The following ENTPD1 variants were observed in gnomAD, a reference collection of about 807,000 sequenced individuals.
The protein encoded by ENTPD1 is ectonucleoside triphosphate diphosphohydrolase 1, also known as ATP diphosphohydrolase.
Under a neutral mutation model 57.0 loss-of-function variants are expected in ENTPD1, and 33 were observed. The ratio of observed to expected loss-of-function variants is 0.58; its 90% CI spans 0.44 to 0.77. The LOEUF (loss-of-function observed/expected upper bound fraction) is 0.77, where lower values mean the gene tolerates loss of function less well. ENTPD1 is among the 30% of genes least tolerant of loss of function. The pLI is 0.00. For missense variants in ENTPD1, 501 were observed against 603.4 expected (o/e 0.83, Z 1.78); for synonymous variants, 202 against 218.8 (o/e 0.92, Z 0.68).
At position 95,790,157 on chromosome 10, in the gene ENTPD1, A is replaced by C. The variant is rs1273446900; in HGVS notation, c.17-33080A>C. Reference sequence around the variant, plus strand: ...TTGATGTCTGCAGCGGTGGTTGCCCACCACTTCAGATAGATGATTCATCTC... The same window carrying C: ...TTGATGTCTGCAGCGGTGGTTGCCCCCCACTTCAGATAGATGATTCATCTC... On this transcript the variant is annotated intron_variant, in intron 1 of 9. Transcript: ENST00000371205. 2.6e-5 allele frequency among the ~76,000 whole-genome samples: 4 copies of C among 152,342 alleles called. No homozygotes were observed. In the East Asian group the frequency reaches 7.7e-4, roughly 29 times the overall value.
At chr10:95,701,539 A>G in the ENTPD1 span, among the ~76,000 whole-genome samples, 1 of 152,182 alleles carries the variant, frequency 6.6e-6, no homozygotes, top group Non-Finnish European at 1.5e-5. Flanking sequence ...AAATAATAAA[A>G]ATAGAGAAAA....
At chr10:95,730,961 G>A (rs1283871297) in intron 1 of ENTPD1, among the ~76,000 whole-genome samples, 1 of 152,220 alleles carries the variant, frequency 6.6e-6, no homozygotes, top group African/African-American at 2.4e-5. Context: ...CTAAGGACTT[G>A]CCTAAAGTAG....
At chr10:95,720,853 GC>G (rs1254928762) in intron 1 of ENTPD1, among the ~76,000 whole-genome samples, 1 of 152,174 alleles carries the variant, frequency 6.6e-6, no homozygotes, top group Non-Finnish European at 1.5e-5. Context: ...GATTTGCTCA[GC>G]CTTTCTGTGT....
At chr10:95,698,899 C>T in the ENTPD1 span, among the ~76,000 whole-genome samples, 15 of 152,280 alleles carry the variant, frequency 9.9e-5, no homozygotes, top group South Asian at 1.5e-3. Flanking sequence ...AAGCAGATCC[C>T]GCCTGTGCAT....
Position 95,823,274 on chromosome 10 carries a change from A to G in ENTPD1, c.54A>G (p.Leu18=), listed in dbSNP as rs767914674. ...AGACATTTTGCTCCAAGAATATCCTAGCCATCCTTGGCTTCTCCTCTATCA... is the reference window on the plus strand; with the variant it reads ...AGACATTTTGCTCCAAGAATATCCTGGCCATCCTTGGCTTCTCCTCTATCA... ...NVKTFCSKNI[L]AILGFSSIIA... Residue 18 remains leucine, a synonymous_variant, in exon 2 of 10, where the codon CTA becomes CTG. Coordinates refer to ENST00000371205, the MANE Select transcript of ENTPD1 (RefSeq NM_001776.6). 1.8e-5 allele frequency: 29 copies of G among 1,614,040 alleles called. No homozygotes were observed. The highest frequency in any genetic ancestry group is 2.5e-5 in the Non-Finnish European group (29 of 1,180,010).
chr10:95,767,106 A>G (rs190935062), intron 1 of ENTPD1, among the ~76,000 whole-genome samples: 1 of 152,050 alleles, frequency 6.6e-6, no homozygotes, highest in East Asian at 1.9e-4. Flanking sequence ...GAAATAAAAG[A>G]AAAGCATTCC....
At chr10:95,712,447 G>A (rs1372200182) in intron 1 of ENTPD1, among the ~76,000 whole-genome samples, 2 of 152,086 alleles carry the variant, frequency 1.3e-5, no homozygotes, top group Non-Finnish European at 2.9e-5. Context: ...ATTTTCTCTT[G>A]GTCCTTGCGA....
chr10:95,785,899 C>T (rs773447119), intron 1 of ENTPD1, among the ~76,000 whole-genome samples: 3 of 152,194 alleles, frequency 2.0e-5, no homozygotes, highest in Non-Finnish European at 4.4e-5. Context: ...ACAGTGCCTG[C>T]TACCCAGTAA....
In ENTPD1 at chr10:95,871,621, A is replaced by T. The variant is rs1180856737; in HGVS notation, c.*5238A>T. Reference sequence around the variant, plus strand: ...TGAGCCTTCTCTTTAGAAAAGTGGCATTCAAGACTCTTCATTTGAAGTGAA... The same window carrying T: ...TGAGCCTTCTCTTTAGAAAAGTGGCTTTCAAGACTCTTCATTTGAAGTGAA... On this transcript the variant is annotated 3_prime_UTR_variant, in exon 10 of 10. Transcript: ENST00000371205. 1 of 985,346 alleles carries T rather than the reference A, an allele frequency of 1.0e-6. No individual in the cohort carries two copies. The highest frequency in any genetic ancestry group is 1.2e-6 in the Non-Finnish European group (1 of 829,938). 61.0% of individuals were successfully genotyped at this position (985,346 alleles called of 1,614,324 possible).
At chr10:95,857,826 C>A (rs563059471) in intron 7 of ENTPD1, among the ~76,000 whole-genome samples, 49 of 152,238 alleles carry the variant, frequency 3.2e-4, no homozygotes, top group African/African-American at 1.2e-3. Flanking sequence ...GACATGAGAC[C>A]AGAAACACAA....
intron 1 of ENTPD1, among the ~76,000 whole-genome samples, chr10:95,749,846 T>C (rs971514660): frequency 4.6e-5 from 7 of 152,192 alleles, no homozygotes; most frequent in African/African-American, 1.7e-4. Context: ...AGTTCCATAA[T>C]CTTTTGTTTT....
chr10:95,768,970 A>T (rs183462794), intron 1 of ENTPD1, among the ~76,000 whole-genome samples: 2 of 152,256 alleles, frequency 1.3e-5, no homozygotes, highest in Admixed American at 6.5e-5. Context: ...GATGGAATGC[A>T]TAGTCTGCCC....
chr10:95,730,444 C>A (rs1589651362), intron 1 of ENTPD1, among the ~76,000 whole-genome samples: 2 of 152,076 alleles, frequency 1.3e-5, no homozygotes, highest in Non-Finnish European at 2.9e-5. Flanking sequence ...AAGAATCAAT[C>A]ATAATCTTGG....
chr10:95,749,044 C>A (rs1220693917), intron 1 of ENTPD1, among the ~76,000 whole-genome samples: 1 of 152,172 alleles, frequency 6.6e-6, no homozygotes, highest in East Asian at 1.9e-4. Context: ...AATGTTTATA[C>A]CCCCTTTTGT....
At chr10:95,850,128 C>T (rs116024139) in intron 7 of ENTPD1, among the ~76,000 whole-genome samples, 5,693 of 152,268 alleles carry the variant, frequency 0.037, 131 homozygotes, top group Non-Finnish European at 0.049. Context: ...GTGGAGGAGT[C>T]TTGAACTCCC....
intron 1 of ENTPD1, among the ~76,000 whole-genome samples, chr10:95,739,220 T>G (rs1395366935): frequency 6.6e-6 from 1 of 152,202 alleles, no homozygotes; most frequent in African/African-American, 2.4e-5. Flanking sequence ...TGCCGAAGGT[T>G]GGGGTGGCTG....
upstream of ENTPD1, chr10:95,754,906 TTATTAAAG>T (rs1769421359): frequency 6.6e-6 from 1 of 152,260 alleles, no homozygotes; most frequent in Admixed American, 6.5e-5. Context: ...TCCTTTGTCC[TTATTAAAG>T]TATGACTGAA....
chr10:95,801,097 C>G (rs1566165057), intron 1 of ENTPD1, among the ~76,000 whole-genome samples: 1 of 152,166 alleles, frequency 6.6e-6, no homozygotes, highest in Non-Finnish European at 1.5e-5. Context: ...TGATAAATGT[C>G]CATGAAATCT....
At chr10:95,862,380 C>A (rs2098466825) in intron 8 of ENTPD1, among the ~76,000 whole-genome samples, 1 of 152,210 alleles carries the variant, frequency 6.6e-6, no homozygotes, top group African/African-American at 2.4e-5. Flanking sequence ...TCATCATGGA[C>A]TGCTACTCCA....
Sources: allele counts gnomAD v4.1 joint callset (sites outside exome capture counted in the v4.1 genomes callset), GRCh38; gene constraint gnomAD v4.1.1; transcripts MANE v1.5; gene names NCBI Gene and HGNC (gene_info 2026-07-23, HGNC 2026-07-21).